The following KCNK16 variants were observed in gnomAD, a reference collection of about 807,000 sequenced individuals.
The protein encoded by KCNK16 is potassium two pore domain channel subfamily K member 16.
A neutral mutation model predicts 23.0 loss-of-function variants in KCNK16; 23 were observed. The observed-to-expected ratio is 1.00, with a 90% CI of 0.72 to 1.41. The LOEUF (loss-of-function observed/expected upper bound fraction) is 1.41. Ranked by LOEUF, KCNK16 falls within the 40% of genes most tolerant of loss-of-function variation. The probability of loss-of-function intolerance (pLI) is 0.00; values close to 1 mark genes in which losing one functional copy is unlikely to be tolerated. For missense variants in KCNK16, 327 were observed against 365.8 expected, an observed-to-expected ratio of 0.89 and a Z score of 0.87; for synonymous variants, 145 against 153.5, an observed-to-expected ratio of 0.94 and a Z score of 0.41.
downstream of KCNK16, chr6:39,314,994 G>T (rs747799749): frequency 6.3e-7 from 1 of 1,590,812 alleles, no homozygotes; most frequent in African/African-American, 1.3e-5. Context: ...TGAAGAGTCC[G>T]TGGGTCCTCA....
At chr6:39,322,307 T>C (rs753244446) in intron 1 of KCNK16, 21 bp downstream of exon 1, 1 of 1,603,388 alleles carries the variant, frequency 6.2e-7, no homozygotes, top group Admixed American at 1.7e-5. Flanking sequence ...TCCATCCCAA[T>C]CCCACATCGC....
At chr6:39,316,144 G>A (rs115168410), downstream of KCNK16, 2,737 of 1,439,456 alleles carry the variant, frequency 1.9e-3, 47 homozygotes, top group African/African-American at 0.035. Flanking sequence ...GGAGAAAGCA[G>A]GGCTGGAAAT....
At chr6:39,316,000 C>T (rs10947805), downstream of KCNK16, among the ~76,000 whole-genome samples, 60,955 of 152,102 alleles carry the variant, frequency 0.4, 13,372 homozygotes, top group African/African-American at 0.58. Flanking sequence ...CAAGGGTACA[C>T]CTCCCCATCC....
rs1359438061 is a variant in KCNK16 at position 39,316,509 on chromosome 6, G to C, written c.662-67C>G. 19 of 1,509,310 alleles carry C rather than the reference G, an allele frequency of 1.3e-5. 1 individual carries two copies. The East Asian group carries it at 4.4e-4, about 35-fold the overall frequency. The allele number at this position is 1,509,310 out of a possible 1,614,324, so 93.5% of individuals were successfully genotyped here. A position where few individuals can be genotyped will look rare whatever the true frequency, so the allele number is the denominator to read the frequency against. On this transcript the variant is annotated intron_variant, in intron 4 of 4. Coordinates refer to ENST00000437525, the MANE Select transcript of KCNK16 (RefSeq NM_001135106.2). The stretch of plus-strand genomic sequence containing the variant: ...GCATAGCCACCTCCAGTTTCCATAG[G>C]GACCCTCACCAGCCAGGATGCTCTC...
rs369729931 is a variant in KCNK16, at chr6:39,316,205, C to A, written c.*14G>T. The A allele has an allele frequency of 4.2e-5, 63 of 1,502,460 alleles. No individual in the cohort carries two copies. The highest frequency in any genetic ancestry group is 4.9e-5 in the East Asian group (2 of 40,430). 93.1% of individuals were successfully genotyped at this position (1,502,460 alleles called of 1,614,324 possible). A position where few individuals can be genotyped will look rare whatever the true frequency, so the allele number is the denominator to read the frequency against. Reference sequence around the variant, plus strand: ...GGGAGGATGAAAGGGGTTTCTGGGCCCCCCCCGGGGGCCTCATGCAGAGAT... The same window carrying A: ...GGGAGGATGAAAGGGGTTTCTGGGCACCCCCCGGGGGCCTCATGCAGAGAT... On this transcript the variant is annotated 3_prime_UTR_variant, in exon 5 of 5. Transcript: ENST00000437525.
rs997826420 is a variant in KCNK16, at chr6:39,322,635, C to T, written c.-95G>A. Reference sequence around the variant, plus strand: ...AAGCACCTAGGGGCCTGTGCCCAGGCTGCCGCCTGCCCTGCCCTCCTCCTC... The same window carrying T: ...AAGCACCTAGGGGCCTGTGCCCAGGTTGCCGCCTGCCCTGCCCTCCTCCTC... On this transcript the variant is annotated 5_prime_UTR_variant, in exon 1 of 5. Coordinates refer to ENST00000437525, the MANE Select transcript of KCNK16 (RefSeq NM_001135106.2). 6.8e-7 allele frequency: 1 copy of T among 1,470,026 alleles called. No homozygotes were observed. The highest frequency in any genetic ancestry group is 9.0e-7 in the Non-Finnish European group (1 of 1,113,144). The allele number at this position is 1,470,026 out of a possible 1,614,324, so 91.1% of individuals were successfully genotyped here. A position where few individuals can be genotyped will look rare whatever the true frequency, so the allele number is the denominator to read the frequency against.
At chr6:39,315,633 G>C (rs767126304), downstream of KCNK16, among the ~76,000 whole-genome samples, 19 of 152,146 alleles carry the variant, frequency 1.2e-4, no homozygotes, top group Non-Finnish European at 2.6e-4. Flanking sequence ...CTCTGCCCAG[G>C]TCTCCCCTCT....
At chr6:39,316,127 T>C, downstream of KCNK16, 1 of 1,426,052 alleles carries the variant, frequency 7.0e-7, no homozygotes, top group South Asian at 1.5e-5. Flanking sequence ...GTGAGGGGGT[T>C]GGGAGAGGAG....
intron 4 of KCNK16, 54 bp from the exon 5 acceptor site, chr6:39,316,496 C>G: frequency 1.3e-6 from 2 of 1,532,834 alleles, no homozygotes; most frequent in Non-Finnish European, 1.8e-6. Context: ...ATAGCCACCT[C>G]CAGTTTCCAT....
intron 1 of KCNK16, among the ~76,000 whole-genome samples, chr6:39,321,105 C>T (rs1484760384): frequency 6.6e-6 from 1 of 152,206 alleles, no homozygotes; most frequent in Non-Finnish European, 1.5e-5. Context: ...TCAACATCAC[C>T]TGGAGAGCCT....
intron 4 of KCNK16, 39 bp downstream of exon 4, chr6:39,316,743 C>T (rs1230403331): frequency 1.3e-6 from 2 of 1,591,922 alleles, no homozygotes; most frequent in Middle Eastern, 1.7e-4. Context: ...TCCCAGTGGG[C>T]ACCCCCACCC....
intron 3 of KCNK16, 137 bp from the exon 4 acceptor site, chr6:39,317,084 G>A (rs1408489406): frequency 2.6e-5 from 21 of 811,910 alleles, no homozygotes; most frequent in Middle Eastern, 3.7e-4. Flanking sequence ...GACCCTCGAG[G>A]TGGAGGTTGT....
downstream of KCNK16, among the ~76,000 whole-genome samples, chr6:39,315,682 T>C (rs1762283992): frequency 6.6e-6 from 1 of 152,166 alleles, no homozygotes; most frequent in African/African-American, 2.4e-5. Flanking sequence ...TGGGCTCTCA[T>C]CAACCCTGGG....
At chr6:39,321,888 A>G (rs1000334771) in intron 1 of KCNK16, among the ~76,000 whole-genome samples, 1 of 152,224 alleles carries the variant, frequency 6.6e-6, no homozygotes, top group Admixed American at 6.5e-5. Flanking sequence ...GCCCAGGGAT[A>G]TGAGCTGGGA....
downstream of KCNK16, chr6:39,315,504 GAC>G (rs931544052): frequency 7.4e-6 from 10 of 1,347,770 alleles, no homozygotes; most frequent in Middle Eastern, 2.1e-4. Flanking sequence ...TTTGTTCACA[GAC>G]AGCCCTGGAC....
rs1762342370 is a variant in KCNK16, at chr6:39,316,948, C to A, written c.496-1G>T. 2 of 1,608,922 alleles carry A rather than the reference C, an allele frequency of 1.2e-6. No homozygotes were observed. Among genetic ancestry groups the A allele is most frequent in the East Asian group, 4.5e-5 (2 of 44,812 alleles). On this transcript the variant is annotated splice_acceptor_variant, in intron 3 of 4. Coordinates refer to ENST00000437525, the MANE Select transcript of KCNK16 (RefSeq NM_001135106.2). LOFTEE classifies it high-confidence loss of function. ...GAGCCAGGCCCAGGACTTGCAGTAC[C>A]TAGGAGGGAGGGAGTTGGCCTCTGA...
intron 1 of KCNK16, among the ~76,000 whole-genome samples, chr6:39,322,093 G>A (rs1285105587): frequency 6.6e-6 from 1 of 152,220 alleles, no homozygotes; most frequent in Non-Finnish European, 1.5e-5. Context: ...CCTTATAGAT[G>A]AGGCTGTTTG....
rs747594841 is a variant in KCNK16 at position 39,322,358 on chromosome 6, C to G, written c.183G>C (p.Leu61=). 1 of 1,614,162 alleles carries G rather than the reference C, an allele frequency of 6.2e-7. No individual in the cohort carries two copies. The highest frequency in any genetic ancestry group is 1.1e-5 in the South Asian group (1 of 91,084). Residue 61 remains leucine (L), a synonymous_variant, in exon 1 of 5, where the codon CTG becomes CTC. Transcript: ENST00000437525. Reference sequence around the variant, plus strand: ...CAAACTGCTCCATGGCCCACTGGTCCAGGCAGGTGTAGTTCTCCAGGAAGC... The same window carrying G: ...CAAACTGCTCCATGGCCCACTGGTCGAGGCAGGTGTAGTTCTCCAGGAAGC... ...KLRFLENYTC[L]DQWAMEQFVQ...
intron 4 of KCNK16, 56 bp from the exon 5 acceptor site, chr6:39,316,498 AG>A: frequency 6.5e-7 from 1 of 1,528,388 alleles, no homozygotes; most frequent in Non-Finnish European, 8.8e-7. Flanking sequence ...AGCCACCTCC[AG>A]TTTCCATAGG....
Sources: allele counts gnomAD v4.1 joint callset (sites outside exome capture counted in the v4.1 genomes callset), GRCh38; gene constraint gnomAD v4.1.1; transcripts MANE v1.5; gene names NCBI Gene and HGNC (gene_info 2026-07-23, HGNC 2026-07-21).